Variants in JAK2 observed in about 807,000 individuals in gnomAD.
JAK2 encodes Janus kinase 2, also known as tyrosine-protein kinase JAK2.
In JAK2, 86 loss-of-function variants were observed where a neutral mutation model predicts 139.3. That is an observed-to-expected ratio of 0.62 (90% confidence interval 0.52 to 0.74). The LOEUF (loss-of-function observed/expected upper bound fraction) is 0.74, where lower values mean the gene tolerates loss of function less well. Among genes scored for constraint, JAK2 ranks in the 30% least tolerant of loss-of-function variants. JAK2 has a pLI of 0.00. For synonymous variants in JAK2, 490 were observed against 437.7 expected (o/e 1.12, Z -1.49); for missense variants, 1,421 against 1,360.3 (o/e 1.04, Z -0.70).
At chr9:4,985,808 G>C (rs1430042218) in intron 1 of JAK2, 132 bp from the exon 2 acceptor site, 1 of 152,494 alleles carries the variant, frequency 6.6e-6, no homozygotes, top group African/African-American at 2.4e-5. Context: ...GCTTCCATTT[G>C]TGTCTTATAA....
intron 1 of JAK2, 69 bp from the exon 2 acceptor site, chr9:4,985,871 C>T (rs530177101): frequency 6.5e-6 from 1 of 152,744 alleles, no homozygotes; most frequent in South Asian, 2.1e-4. Context: ...GACACTTAAA[C>T]AGCCTAGAAA....
chr9:5,092,777 G>T (rs1350265507), intron 22 of JAK2, among the ~76,000 whole-genome samples: 1 of 152,186 alleles, frequency 6.6e-6, no homozygotes, highest in Non-Finnish European at 1.5e-5. Flanking sequence ...ATGAGTAGTG[G>T]TGATAAGCCT....
chr9:5,038,780 A>G lies in JAK2; in HGVS notation c.351-5623A>G, dbSNP rs1411832257. 3.9e-5 allele frequency among the ~76,000 whole-genome samples: 6 copies of G among 152,272 alleles called. No individual in the cohort carries two copies. The East Asian group carries it at 1.2e-3, about 29-fold the overall frequency. On this transcript the variant is annotated intron_variant, in intron 4 of 24. Transcript: ENST00000381652. ...TCAGATTTTCAGGTTAGGAATGCTC[A>G]GTTTGTTTATAAAAAGATGAAATAC...
At chr9:5,110,687 T>G (rs1043090190) in intron 22 of JAK2, 2 of 321,940 alleles carry the variant, frequency 6.2e-6, no homozygotes, top group African/African-American at 4.3e-5. Flanking sequence ...GCCTGAGCCC[T>G]TTCTATTACT....
chr9:4,989,774 T>G (rs1563908590), intron 2 of JAK2, among the ~76,000 whole-genome samples: 1 of 152,210 alleles, frequency 6.6e-6, no homozygotes, highest in Non-Finnish European at 1.5e-5. Flanking sequence ...ATGTATGATA[T>G]GTTCAGAGAG....
intron 19 of JAK2, among the ~76,000 whole-genome samples, chr9:5,082,351 G>A (rs1819761896): frequency 6.6e-6 from 1 of 152,252 alleles, no homozygotes. Context: ...ATGCCTGGAT[G>A]TGCACATAGG....
At chr9:5,104,206 A>T (rs948220992) in intron 22 of JAK2, among the ~76,000 whole-genome samples, 1 of 152,172 alleles carries the variant, frequency 6.6e-6, no homozygotes, top group Non-Finnish European at 1.5e-5. Context: ...AATCAAATAG[A>T]GGGAATAAAA....
chr9:5,089,324 G>C (rs988103144), intron 19 of JAK2, among the ~76,000 whole-genome samples: 2 of 152,024 alleles, frequency 1.3e-5, no homozygotes, highest in Non-Finnish European at 2.9e-5. Flanking sequence ...GGATCACCAG[G>C]TCAGGAGATC....
chr9:5,006,440 T>C (rs1166395188), intron 2 of JAK2, among the ~76,000 whole-genome samples: 2 of 152,336 alleles, frequency 1.3e-5, no homozygotes, highest in East Asian at 3.9e-4. Flanking sequence ...ATTCAATTTT[T>C]AAATTACTGT....
At chr9:4,984,505 C>A (rs1335431960), upstream of JAK2, 1 of 152,318 alleles carries the variant, frequency 6.6e-6, no homozygotes, top group Non-Finnish European at 1.5e-5. Flanking sequence ...CCCACCCTCA[C>A]CCCTTTCCAG....
intron 22 of JAK2, chr9:5,112,086 G>T (rs1443252131): frequency 7.9e-6 from 3 of 378,766 alleles, no homozygotes; most frequent in African/African-American, 6.4e-5. Flanking sequence ...TAAGATAGAA[G>T]ACCACCTACC....
At chr9:5,045,885 G>A (rs1391456030) in intron 5 of JAK2, among the ~76,000 whole-genome samples, 2 of 152,116 alleles carry the variant, frequency 1.3e-5, no homozygotes, top group Non-Finnish European at 2.9e-5. Flanking sequence ...CCTGTTTTCA[G>A]TTCTTTTCAA....
At chr9:5,079,169 A>G (rs1220804930) in intron 16 of JAK2, among the ~76,000 whole-genome samples, 2 of 152,216 alleles carry the variant, frequency 1.3e-5, no homozygotes, top group East Asian at 3.8e-4. Flanking sequence ...AGTATGGCAG[A>G]AAATTCTTAC....
At chr9:5,073,857 T>C (rs1819136630) in intron 14 of JAK2, 72 bp downstream of exon 14, 1 of 984,720 alleles carries the variant, frequency 1.0e-6, no homozygotes, top group Admixed American at 2.0e-5. Context: ...AAATTCAGTT[T>C]CAGGATCACA....
Position 5,047,101 on chromosome 9 carries a change from G to A in JAK2, c.468+2581G>A, listed in dbSNP as rs978273084. 7.9e-5 allele frequency among the ~76,000 whole-genome samples: 12 copies of A among 151,946 alleles called. 1 individual carries two copies. Among genetic ancestry groups the A allele is most frequent in the African/African-American group, 2.4e-4 (10 of 41,360 alleles). On this transcript the variant is annotated intron_variant, in intron 5 of 24. Coordinates refer to ENST00000381652, the MANE Select transcript of JAK2 (RefSeq NM_004972.4). ...AAATTATGTCTAGATAGTACCACAA[G>A]CAATTTTCTATTTTTTAATGTTTTT...
intron 4 of JAK2, among the ~76,000 whole-genome samples, chr9:5,038,482 C>G (rs1344468431): frequency 6.6e-6 from 1 of 152,068 alleles, no homozygotes; most frequent in Non-Finnish European, 1.5e-5. Flanking sequence ...AAGAAAACTA[C>G]AGACCAATGT....
intron 2 of JAK2, among the ~76,000 whole-genome samples, chr9:4,995,100 G>A (rs1820485299): frequency 6.6e-6 from 1 of 152,122 alleles, no homozygotes; most frequent in South Asian, 2.1e-4. Context: ...GTTTTCAGAT[G>A]ACTTGATTGT....
rs1824082999 is a variant in JAK2 at position 5,127,639 on chromosome 9, C to T, written c.*848C>T. 2 of 231,914 alleles carry T rather than the reference C, an allele frequency of 8.6e-6. No individual in the cohort carries two copies. 14.4% of individuals were successfully genotyped at this position (231,914 alleles called of 1,614,324 possible). Reference sequence around the variant, plus strand: ...TTTAAAATTTTGAGATTAAGAATGCCAGGAATATTGTCATCCTTTGAGCTG... The same window carrying T: ...TTTAAAATTTTGAGATTAAGAATGCTAGGAATATTGTCATCCTTTGAGCTG... On this transcript the variant is annotated 3_prime_UTR_variant, in exon 25 of 25. Coordinates refer to ENST00000381652, the MANE Select transcript of JAK2 (RefSeq NM_004972.4).
At chr9:5,019,710 G>T (rs1477804877) in intron 2 of JAK2, among the ~76,000 whole-genome samples, 1 of 152,296 alleles carries the variant, frequency 6.6e-6, no homozygotes, top group East Asian at 1.9e-4. Flanking sequence ...TTTTCCTGAA[G>T]ATTTGACTGG....
Sources: allele counts gnomAD v4.1 joint callset (sites outside exome capture counted in the v4.1 genomes callset), GRCh38; gene constraint gnomAD v4.1.1; transcripts MANE v1.5; gene names NCBI Gene and HGNC (gene_info 2026-07-23, HGNC 2026-07-21).